The following PTPRC variants were observed in gnomAD, a reference collection of about 807,000 sequenced individuals.
PTPRC encodes receptor-type tyrosine-protein phosphatase C.
PTPRC carries 44 observed loss-of-function variants against 155.9 expected under a neutral mutation model. The ratio of observed to expected loss-of-function variants is 0.28; its 90% CI spans 0.22 to 0.36. The LOEUF (loss-of-function observed/expected upper bound fraction) is 0.36, where lower values mean the gene tolerates loss of function less well. Among genes scored for constraint, PTPRC ranks in the 10% least tolerant of loss-of-function variants. The pLI is 1.00. For synonymous variants in PTPRC, 525 were observed against 533.1 expected (o/e 0.98, Z 0.21); for missense variants, 1,401 against 1,564.6 (o/e 0.90, Z 1.76).
intron 2 of PTPRC, among the ~76,000 whole-genome samples, chr1:198,647,528 G>A (rs548881873): frequency 2.0e-5 from 3 of 151,844 alleles, no homozygotes; most frequent in African/African-American, 7.2e-5. Flanking sequence ...AGAAATAGAA[G>A]GAAAAAGAAA....
intron 2 of PTPRC, among the ~76,000 whole-genome samples, chr1:198,650,113 G>C (rs951859221): frequency 2.1e-4 from 32 of 151,944 alleles, no homozygotes; most frequent in African/African-American, 7.5e-4. Context: ...GCACAGAAAG[G>C]TCAGGCATCT....
intron 23 of PTPRC, among the ~76,000 whole-genome samples, chr1:198,739,214 A>C (rs1654784787): frequency 6.6e-6 from 1 of 151,784 alleles, no homozygotes. Context: ...GGCAGGAGTA[A>C]GTCTTTATTT....
rs1426523408 is a variant in PTPRC at position 198,752,635 on chromosome 1, C to T, written c.3372C>T (p.Asn1124=). Residue 1124 remains asparagine (N), a synonymous_variant, in exon 31 of 33, where the codon AAC becomes AAT. Coordinates refer to ENST00000442510, the MANE Select transcript of PTPRC (RefSeq NM_002838.5). ...CTGTGTACCAGTACCAATATACAAA[C>T]TGGAGTGTGGAGCAGCTTCCTGCAG... The part of the protein sequence containing the change: ...SRTVYQYQYT[N]WSVEQLPAEP... 6.2e-7 allele frequency: 1 copy of T among 1,612,798 alleles called. No individual in the cohort carries two copies. The highest frequency in any genetic ancestry group is 1.7e-5 in the Admixed American group (1 of 59,850).
intron 5 of PTPRC, 82 bp from the exon 6 acceptor site, chr1:198,702,305 A>G (rs574216192): frequency 1.3e-6 from 2 of 1,548,304 alleles, no homozygotes; most frequent in Non-Finnish European, 1.8e-6. Flanking sequence ...TATCTTTAGT[A>G]ATTGTGTTTA....
At chr1:198,704,362 T>C (rs977380313) in intron 7 of PTPRC, 110 bp from the exon 8 acceptor site, 2 of 1,557,452 alleles carry the variant, frequency 1.3e-6, no homozygotes, top group South Asian at 1.2e-5. Flanking sequence ...TAAATCTAAC[T>C]AGATAGACTT....
intron 2 of PTPRC, among the ~76,000 whole-genome samples, chr1:198,642,459 T>G (rs1473925612): frequency 6.6e-6 from 1 of 151,794 alleles, no homozygotes; most frequent in Non-Finnish European, 1.5e-5. Flanking sequence ...GCCTGTGTTC[T>G]CTTTTCTCCA....
intron 2 of PTPRC, among the ~76,000 whole-genome samples, chr1:198,672,530 C>T (rs142194081): frequency 0.023 from 3,439 of 152,172 alleles, 133 homozygotes; most frequent in African/African-American, 0.072. Flanking sequence ...AGTGCAGAGG[C>T]GCCATCTGGG....
chr1:198,639,832 TATTGA>T (rs1285035646), intron 2 of PTPRC, among the ~76,000 whole-genome samples: 1 of 152,096 alleles, frequency 6.6e-6, no homozygotes, highest in Admixed American at 6.6e-5. Context: ...TGACATATTT[TATTGA>T]ATACTTGGGT....
intron 2 of PTPRC, among the ~76,000 whole-genome samples, chr1:198,672,410 G>A (rs1198960110): frequency 6.6e-6 from 1 of 152,080 alleles, no homozygotes; most frequent in African/African-American, 2.4e-5. Flanking sequence ...TGTTTACTCT[G>A]TTCGAGTTCC....
intron 2 of PTPRC, among the ~76,000 whole-genome samples, chr1:198,671,477 C>G (rs1322689971): frequency 6.6e-6 from 1 of 152,096 alleles, no homozygotes; most frequent in East Asian, 1.9e-4. Flanking sequence ...GTATGTATTC[C>G]ATTCTAGAAC....
At chr1:198,639,195 C>A (rs983083787) in intron 1 of PTPRC, 31 bp from the exon 2 acceptor site, 3 of 1,231,078 alleles carry the variant, frequency 2.4e-6, no homozygotes, top group Non-Finnish European at 2.4e-6. Flanking sequence ...AGAAAAACTT[C>A]TACAGAGATA....
intron 15 of PTPRC, among the ~76,000 whole-genome samples, chr1:198,724,486 C>A (rs1654035703): frequency 6.6e-6 from 1 of 151,954 alleles, no homozygotes; most frequent in Admixed American, 6.6e-5. Flanking sequence ...TGTCTGAGTT[C>A]ACTGATATAT....
chr1:198,743,067 C>CAAAAAAAAAAAAAAAAAAAAAAG (rs10628640), intron 25 of PTPRC, among the ~76,000 whole-genome samples: 4 of 75,952 alleles, frequency 5.3e-5, no homozygotes, highest in East Asian at 4.3e-4. Flanking sequence ...GTCAAAATAG[C>CAAAAAAAAAAAAAAAAAAAAAAG]AAAAAAAAAA....
chr1:198,679,672 T>C (rs984024638), intron 2 of PTPRC: 1 of 310,034 alleles, frequency 3.2e-6, no homozygotes, highest in Non-Finnish European at 6.3e-6. Flanking sequence ...CTGTCCTGTT[T>C]GTAAACCAGC....
At chr1:198,687,182 G>GA (rs1014271243) in intron 2 of PTPRC, among the ~76,000 whole-genome samples, 61 of 152,202 alleles carry the variant, frequency 4.0e-4, no homozygotes, top group African/African-American at 1.3e-3. Context: ...AAGTAGAGAC[G>GA]AGGTTTTGCA....
At chr1:198,650,869 ATACTT>A (rs1368456327) in intron 2 of PTPRC, among the ~76,000 whole-genome samples, 1 of 151,830 alleles carries the variant, frequency 6.6e-6, no homozygotes, top group Admixed American at 6.6e-5. Context: ...AAGTAGAACT[ATACTT>A]TGCTTTGAAT....
chr1:198,663,902 A>G (rs1232062967), intron 2 of PTPRC, among the ~76,000 whole-genome samples: 1 of 152,154 alleles, frequency 6.6e-6, no homozygotes, highest in Non-Finnish European at 1.5e-5. Flanking sequence ...ACATCATGTT[A>G]CCTGCCTAAC....
intron 31 of PTPRC, among the ~76,000 whole-genome samples, chr1:198,753,366 C>T (rs1163283354): frequency 2.6e-5 from 4 of 151,334 alleles, no homozygotes; most frequent in African/African-American, 9.7e-5. Context: ...TACATATTCA[C>T]CTTAAATAAG....
intron 3 of PTPRC, chr1:198,694,820 C>G: frequency 1.1e-6 from 1 of 930,718 alleles, no homozygotes; most frequent in African/African-American, 1.8e-5. Context: ...TTCTTTTATT[C>G]AATGCATAGT....
Sources: allele counts gnomAD v4.1 joint callset (sites outside exome capture counted in the v4.1 genomes callset), GRCh38; gene constraint gnomAD v4.1.1; transcripts MANE v1.5; gene names NCBI Gene and HGNC (gene_info 2026-07-23, HGNC 2026-07-21).